Variants in PGAP6 observed in about 807,000 individuals in gnomAD.
The protein encoded by PGAP6 is post-GPI attachment to proteins factor 6.
Under a neutral mutation model 68.4 loss-of-function variants are expected in PGAP6, and 62 were observed. The ratio of observed to expected loss-of-function variants is 0.91; its 90% CI spans 0.74 to 1.12. The LOEUF is 1.12. Among genes scored for constraint, PGAP6 ranks in the 50% most tolerant of loss-of-function variants. The probability of loss-of-function intolerance (pLI) is 0.00; values close to 1 mark genes in which losing one functional copy is unlikely to be tolerated. For synonymous variants in PGAP6, 575 were observed against 474.0 expected, an observed-to-expected ratio of 1.21 and a Z score of -2.77; for missense variants, 1,188 against 1,068.5, an observed-to-expected ratio of 1.11 and a Z score of -1.56.
chr16:383,623 A>G (rs743962), upstream of PGAP6, among the ~76,000 whole-genome samples: 37,749 of 152,164 alleles, frequency 0.25, 5,769 homozygotes, highest in African/African-American at 0.44. Flanking sequence ...AGTAGCTGCA[A>G]GAAAGGAACA....
At chr16:386,082 T>C (rs1041805841), upstream of PGAP6, among the ~76,000 whole-genome samples, 31 of 152,094 alleles carry the variant, frequency 2.0e-4, no homozygotes, top group African/African-American at 7.2e-4. Flanking sequence ...CCCCCTCTAG[T>C]GAGCCTGGGT....
intron 12 of PGAP6, 67 bp from the exon 13 acceptor site, chr16:372,350 T>A: frequency 1.3e-6 from 2 of 1,502,210 alleles, no homozygotes; most frequent in Middle Eastern, 2.3e-4. Flanking sequence ...AGGGCCCAGA[T>A]ACGGTGGTTA....
rs935405738 is a variant in PGAP6 at position 374,043 on chromosome 16, T to C, written c.1864A>G (p.Ile622Val). The part of the protein sequence containing the change: ...LGSGAAIWVT[I>V]LCMARLKTVL... The stretch of plus-strand genomic sequence containing the variant: ...GTCTTGAGCCGTGCCATGCACAGGA[T>C]GGTGACCCAGATGGCCGCCCCGGAG... Residue 622 changes from isoleucine to valine, a missense_variant, in exon 11 of 13, where the codon ATC becomes GTC. Ile to Val is a conservative substitution (Grantham distance 29). Transcript: ENST00000431232. The C allele has an allele frequency of 3.1e-6, 5 of 1,611,860 alleles. No homozygotes were observed. Among genetic ancestry groups the C allele is most frequent in the Admixed American group, 1.7e-5 (1 of 60,000 alleles).
At position 381,849 on chromosome 16, in the gene PGAP6, G is replaced by C. The variant is rs1391961790; in HGVS notation, c.-28C>G. 1 of 993,406 alleles carries C rather than the reference G, an allele frequency of 1.0e-6. No homozygotes were observed. Among genetic ancestry groups the C allele is most frequent in the African/African-American group, 1.8e-5 (1 of 56,888 alleles). The allele number at this position is 993,406 out of a possible 1,614,324, so 61.5% of individuals were successfully genotyped here. A position where few individuals can be genotyped will look rare whatever the true frequency, so the allele number is the denominator to read the frequency against. ...CTCCGCGCTCGGCCCGGCGCTACCC[G>C]GCCCGCGTCCCGCGCCGCCGGCCCC... On this transcript the variant is annotated 5_prime_UTR_variant, in exon 1 of 13. Coordinates refer to ENST00000431232, the MANE Select transcript of PGAP6 (RefSeq NM_021259.3).
intron 6 of PGAP6, among the ~76,000 whole-genome samples, chr16:375,807 G>T (rs2054377256): frequency 6.6e-6 from 1 of 152,010 alleles, no homozygotes; most frequent in Admixed American, 6.5e-5. Flanking sequence ...TGGGATTACA[G>T]GCGTGAGCCA....
In PGAP6 at chr16:381,761, G is replaced by C; in HGVS notation, c.61C>G (p.Leu21Val). ...EAVAAVVAGP[L>V]LLLLLARPPP... ...GGCCGGGCAAGCAGCAGCAGCAGCA[G>C]CGGCCCCGCCACCACCGCGGCCACC... The change falls in exon 1 of 13, where the codon CTG becomes GTG. Residue 21 changes from leucine to valine, a missense_variant. Leu to Val is a conservative substitution (Grantham distance 32, BLOSUM62 1). Coordinates refer to ENST00000431232, the MANE Select transcript of PGAP6 (RefSeq NM_021259.3). The C allele has an allele frequency of 3.3e-6, 4 of 1,203,876 alleles. No individual in the cohort carries two copies. Among genetic ancestry groups the C allele is most frequent in the Non-Finnish European group, 4.1e-6 (4 of 968,574 alleles). 74.6% of individuals were successfully genotyped at this position (1,203,876 alleles called of 1,614,324 possible). A position where few individuals can be genotyped will look rare whatever the true frequency, so the allele number is the denominator to read the frequency against.
intron 9 of PGAP6, among the ~76,000 whole-genome samples, 177 bp from the exon 10 acceptor site, chr16:374,576 G>A (rs2054364109): frequency 6.6e-6 from 1 of 152,022 alleles, no homozygotes; most frequent in South Asian, 2.1e-4. Flanking sequence ...CCTGGTGCCT[G>A]TGCCAGGCAG....
rs1440162784 is a variant in PGAP6, at chr16:378,189, CACTGCCATCGCCACCCTG to C, written c.122-359_122-342del. The stretch of plus-strand genomic sequence containing the variant: ...CCACCCGCACTGCCATCCCCACCCG[CACTGCCATCGCCACCCTG>C]ACTGCCATCGCCACCCTGACTGCCA... On this transcript the variant is annotated intron_variant, in intron 1 of 12. Coordinates refer to ENST00000431232, the MANE Select transcript of PGAP6 (RefSeq NM_021259.3). Among the ~76,000 whole-genome samples the C allele has an allele frequency of 7.4e-3, 1,085 of 146,992 alleles. 27 individuals are homozygous for C. The highest frequency in any genetic ancestry group is 0.026 in the Middle Eastern group (7 of 270).
At position 372,264 on chromosome 16, in the gene PGAP6, C is replaced by G; in HGVS notation, c.2039G>C (p.Arg680Pro). 1 of 1,610,560 alleles carries G rather than the reference C, an allele frequency of 6.2e-7. No homozygotes were observed. Among genetic ancestry groups the G allele is most frequent in the Non-Finnish European group, 8.5e-7 (1 of 1,179,742 alleles). ...ASMWAYRCGH[R>P]RQCYPTSWQR... ...CCACGAGGTGGGGTAGCACTGGCGC[C>G]GGTGCCCGCAGCGGTAAGCCTGGAG... The change falls in exon 13 of 13, where the codon CGG (arginine) becomes CCG (proline). Residue 680 changes from arginine (R) to proline (P), a missense_variant. Coordinates refer to ENST00000431232, the MANE Select transcript of PGAP6 (RefSeq NM_021259.3).
At chr16:374,679 C>T (rs879547767) in intron 9 of PGAP6, 77 bp downstream of exon 9, 1 of 1,578,644 alleles carries the variant, frequency 6.3e-7, no homozygotes, top group Admixed American at 1.8e-5. Context: ...GCGGCGCTCC[C>T]CCAGGGGAAA....
chr16:377,462 G>C lies in PGAP6; in HGVS notation c.423C>G (p.Ala141=), dbSNP rs779295043. ...GGGCCGGGTGGGAAACGTTGACGGA[G>C]GCATTGCTTCTCGGTGTGGTGCTCA... ...VPLSTTPRSN[A]SVNVSHPAPG... Residue 141 remains alanine (A), a synonymous_variant, in exon 3 of 13, where the codon GCC becomes GCG. Transcript: ENST00000431232. The C allele has an allele frequency of 1.9e-6, 3 of 1,611,116 alleles. No homozygotes were observed. Among genetic ancestry groups the C allele is most frequent in the South Asian group, 1.1e-5 (1 of 90,762 alleles).
chr16:376,034 T>C, intron 6 of PGAP6, 102 bp downstream of exon 6: 1 of 1,224,932 alleles, frequency 8.2e-7, no homozygotes, highest in Non-Finnish European at 1.1e-6. Flanking sequence ...CTGGTGTCAC[T>C]GTGCCGCCTG....
chr16:372,073 C>T lies in PGAP6; in HGVS notation c.2230G>A (p.Ala744Thr), dbSNP rs376806573. 8 of 1,612,118 alleles carry T rather than the reference C, an allele frequency of 5.0e-6. No individual in the cohort carries two copies. The highest frequency in any genetic ancestry group is 3.3e-5 in the South Asian group (3 of 91,052). ...ALLLPPPDQP[A>T]EPWACSQKFP... Reference sequence around the variant, plus strand: ...TTCTGCGAGCAGGCCCAGGGCTCGGCGGGCTGGTCAGGTGGCGGCAGCAGC... The same window carrying T: ...TTCTGCGAGCAGGCCCAGGGCTCGGTGGGCTGGTCAGGTGGCGGCAGCAGC... Residue 744 changes from alanine to threonine, a missense_variant, in exon 13 of 13, where the codon GCC becomes ACC. By Grantham distance (58) the Ala-to-Thr change is moderately conservative. Transcript: ENST00000431232.
At position 377,108 on chromosome 16, in the gene PGAP6, C is replaced by T. The variant is rs768965448; in HGVS notation, c.564G>A (p.Val188=). The T allele has an allele frequency of 6.2e-7, 1 of 1,613,624 alleles. No homozygotes were observed. Among genetic ancestry groups the T allele is most frequent in the East Asian group, 2.2e-5 (1 of 44,880 alleles). The stretch of plus-strand genomic sequence containing the variant: ...CCGGCTCCATGATGGAAATCTCGAC[C>T]ACCCGCGTGACCAGCAGTTCAGGCT... ...VFQPELLVTR[V]VEISIMEPDV... is the part of the protein sequence containing the mutation. Residue 188 remains valine, a synonymous_variant, in exon 4 of 13, where the codon GTG becomes GTA. Transcript: ENST00000431232.
In PGAP6 at chr16:371,240, C is replaced by G. The variant is rs970575751; in HGVS notation, c.*747G>C. 7.9e-5 allele frequency: 12 copies of G among 152,416 alleles called. No homozygotes were observed. Among genetic ancestry groups the G allele is most frequent in the African/African-American group, 2.9e-4 (12 of 41,442 alleles). 9.4% of individuals were successfully genotyped at this position (152,416 alleles called of 1,614,324 possible). A position where few individuals can be genotyped will look rare whatever the true frequency, so the allele number is the denominator to read the frequency against. Reference sequence around the variant, plus strand: ...GCAGACACCACCGCAGCTCCTGGGACCAAGAGGAAGCTCCCAGAGGGGGGC... The same window carrying G: ...GCAGACACCACCGCAGCTCCTGGGAGCAAGAGGAAGCTCCCAGAGGGGGGC... On this transcript the variant is annotated 3_prime_UTR_variant, in exon 13 of 13. Transcript: ENST00000431232.
At chr16:380,690 G>C (rs1039320221) in intron 1 of PGAP6, among the ~76,000 whole-genome samples, 2 of 152,148 alleles carry the variant, frequency 1.3e-5, no homozygotes, top group Admixed American at 1.3e-4. Flanking sequence ...CCGGGGCACG[G>C]TCCTCGGGGA....
intron 11 of PGAP6, 25 bp downstream of exon 11, chr16:373,980 A>G (rs1597158279): frequency 6.3e-7 from 1 of 1,585,372 alleles, no homozygotes; most frequent in Admixed American, 1.7e-5. Flanking sequence ...CCCGGAGCCC[A>G]CACCCCACGT....
chr16:374,774 TG>T lies in PGAP6; in HGVS notation c.1557del (p.Ser520AlafsTer113), dbSNP rs760065729. The stretch of plus-strand genomic sequence containing the variant: ...CACTCACCTGCCTTGCAGCTGCAGC[TG>T]GCATACAGGTAGCTGTGTCTGCGGA... ...LLLRRHSYLY[A>X]SCSCKAGWRG... On this transcript the variant is annotated frameshift_variant, in exon 9 of 13. Transcript: ENST00000431232. LOFTEE classifies it high-confidence loss of function. 1 of 1,612,678 alleles carries T rather than the reference TG, an allele frequency of 6.2e-7. No homozygotes were observed. Among genetic ancestry groups the T allele is most frequent in the Non-Finnish European group, 8.5e-7 (1 of 1,179,924 alleles).
upstream of PGAP6, among the ~76,000 whole-genome samples, chr16:383,993 C>T (rs2054465890): frequency 6.6e-6 from 1 of 152,216 alleles, no homozygotes; most frequent in African/African-American, 2.4e-5. Context: ...CCCAGCTGGG[C>T]CGTCCTCAGC....
Sources: allele counts gnomAD v4.1 joint callset (sites outside exome capture counted in the v4.1 genomes callset), GRCh38; gene constraint gnomAD v4.1.1; transcripts MANE v1.5; gene names NCBI Gene and HGNC (gene_info 2026-07-23, HGNC 2026-07-21).